The following THSD7A variants were observed in gnomAD, a reference collection of about 807,000 sequenced individuals.
THSD7A encodes thrombospondin type 1 domain containing 7A.
A neutral mutation model predicts 231.3 loss-of-function variants in THSD7A; 96 were observed. The ratio of observed to expected loss-of-function variants is 0.41; its 90% CI spans 0.35 to 0.49. The LOEUF (loss-of-function observed/expected upper bound fraction) is 0.49, where lower values mean the gene tolerates loss of function less well. Ranked by LOEUF, THSD7A falls within the 20% of genes least tolerant of loss-of-function variation. The probability of loss-of-function intolerance (pLI) is 0.05; values close to 1 mark genes in which losing one functional copy is unlikely to be tolerated. For missense variants in THSD7A, 2,290 were observed against 2,070.2 expected (o/e 1.11, Z -2.06); for synonymous variants, 940 against 743.3 (o/e 1.26, Z -4.30).
At chr7:11,435,215 C>T (rs889518958) in intron 13 of THSD7A, among the ~76,000 whole-genome samples, 4 of 151,938 alleles carry the variant, frequency 2.6e-5, no homozygotes, top group South Asian at 2.1e-4. Flanking sequence ...TTACCAAGGG[C>T]GTTTCTTACA....
At chr7:11,465,490 C>A (rs1050723330) in intron 9 of THSD7A, among the ~76,000 whole-genome samples, 7 of 151,902 alleles carry the variant, frequency 4.6e-5, no homozygotes, top group African/African-American at 1.7e-4. Flanking sequence ...ACAGTTATAG[C>A]ATTTTTTCAG....
chr7:11,740,675 C>A (rs573150901), intron 1 of THSD7A, among the ~76,000 whole-genome samples: 1 of 151,868 alleles, frequency 6.6e-6, no homozygotes, highest in African/African-American at 2.4e-5. Flanking sequence ...GAAATGCTCT[C>A]CCTGTTCAGT....
intron 1 of THSD7A, among the ~76,000 whole-genome samples, chr7:11,822,365 C>T (rs1784901499): frequency 1.3e-5 from 2 of 152,048 alleles, no homozygotes. Context: ...ACATTGCTGC[C>T]AAACACATAA....
intron 1 of THSD7A, among the ~76,000 whole-genome samples, chr7:11,796,770 T>G (rs1784137529): frequency 6.6e-6 from 1 of 152,120 alleles, no homozygotes; most frequent in South Asian, 2.1e-4. Context: ...AACTTTCTCA[T>G]TAATGTTAAT....
intron 1 of THSD7A, among the ~76,000 whole-genome samples, chr7:11,756,764 G>C (rs1226098967): frequency 2.6e-5 from 4 of 152,070 alleles, no homozygotes; most frequent in Non-Finnish European, 4.4e-5. Context: ...CAGAACTACA[G>C]AGTTGAAAAT....
chr7:11,712,958 T>G (rs1464627327), intron 1 of THSD7A, among the ~76,000 whole-genome samples: 1 of 151,108 alleles, frequency 6.6e-6, no homozygotes. Flanking sequence ...GGAATAAGCA[T>G]CAAATTTCTC....
chr7:11,545,425 A>G (rs1468827692), intron 4 of THSD7A, among the ~76,000 whole-genome samples: 1 of 152,230 alleles, frequency 6.6e-6, no homozygotes, highest in Non-Finnish European at 1.5e-5. Flanking sequence ...TTAAGAAAAC[A>G]GGTTAAGCAA....
At chr7:11,771,147 G>A (rs1783216683) in intron 1 of THSD7A, among the ~76,000 whole-genome samples, 1 of 150,662 alleles carries the variant, frequency 6.6e-6, no homozygotes, top group Non-Finnish European at 1.5e-5. Context: ...TATAAAATAT[G>A]TTTATGATTT....
At chr7:11,671,195 A>G (rs1303990235) in intron 1 of THSD7A, among the ~76,000 whole-genome samples, 3 of 152,186 alleles carry the variant, frequency 2.0e-5, no homozygotes, top group South Asian at 4.1e-4. Context: ...TGCTCCTAGC[A>G]CTAGTGAAAT....
intron 1 of THSD7A, among the ~76,000 whole-genome samples, chr7:11,732,648 C>T (rs187761317): frequency 3.1e-4 from 47 of 151,916 alleles, no homozygotes; most frequent in African/African-American, 1.1e-3. Context: ...TCCACCACCA[C>T]CACCACAATA....
Position 11,814,894 on chromosome 7 carries a change from G to C in THSD7A, c.190+16863C>G, listed in dbSNP as rs538634340. Among the ~76,000 whole-genome samples, 3 of 152,072 alleles carry C rather than the reference G, an allele frequency of 2.0e-5. No homozygotes were observed. Among genetic ancestry groups the C allele is most frequent in the Non-Finnish European group, 4.4e-5 (3 of 67,994 alleles). On this transcript the variant is annotated intron_variant, in intron 1 of 27. Transcript: ENST00000423059. This position sits in a 1 kb window ranked among gnomAD's most constrained non-coding sequence, Gnocchi z 5.1. ...CTTTGCTGCATTTCTGTGATTATCT[G>C]TGCCAGCTCATGAGCAGCAGATGCC... is the stretch of plus-strand genomic sequence containing the variant.
chr7:11,688,538 T>A (rs1780133914), intron 1 of THSD7A, among the ~76,000 whole-genome samples: 1 of 151,798 alleles, frequency 6.6e-6, no homozygotes. Flanking sequence ...AAGCGAGACT[T>A]CCCTTACAGA....
At chr7:11,445,262 G>A (rs1354708396) in intron 13 of THSD7A, among the ~76,000 whole-genome samples, 1 of 151,864 alleles carries the variant, frequency 6.6e-6, no homozygotes, top group East Asian at 1.9e-4. Flanking sequence ...TATGTTTCAG[G>A]CTGCCCCACT....
intron 1 of THSD7A, among the ~76,000 whole-genome samples, chr7:11,793,540 G>T (rs28522205): frequency 0.045 from 6,498 of 144,452 alleles, 196 homozygotes; most frequent in East Asian, 0.12. Flanking sequence ...TAGAAAATAG[G>T]TTAAAATGAA....
intron 2 of THSD7A, among the ~76,000 whole-genome samples, chr7:11,600,499 T>C (rs1215671620): frequency 2.0e-5 from 3 of 152,196 alleles, no homozygotes; most frequent in Non-Finnish European, 4.4e-5. Context: ...TAAATTATAA[T>C]GCCTACATAT....
chr7:11,803,093 T>C (rs1350503965), intron 1 of THSD7A, among the ~76,000 whole-genome samples: 1 of 152,232 alleles, frequency 6.6e-6, no homozygotes, highest in East Asian at 1.9e-4. Flanking sequence ...ACAGTAAATG[T>C]TTTCCTGAGA....
At chr7:11,656,051 G>A (rs544603924) in intron 1 of THSD7A, among the ~76,000 whole-genome samples, 2 of 151,920 alleles carry the variant, frequency 1.3e-5, no homozygotes, top group South Asian at 2.1e-4. Context: ...TTCTTGAGGT[G>A]TCACGTATTC....
chr7:11,725,603 G>A (rs961521682), intron 1 of THSD7A, among the ~76,000 whole-genome samples: 2 of 151,854 alleles, frequency 1.3e-5, no homozygotes, highest in Non-Finnish European at 1.5e-5. Flanking sequence ...ATCTTTATTT[G>A]GTTAATTAGT....
intron 6 of THSD7A, among the ~76,000 whole-genome samples, chr7:11,482,440 CTT>C (rs1394675758): frequency 6.6e-6 from 1 of 152,158 alleles, no homozygotes; most frequent in African/African-American, 2.4e-5. Flanking sequence ...TACAAACTCT[CTT>C]GTGTCTCTCA....
Sources: gnomAD v4.1 joint callset for allele counts (sites outside exome capture counted in the v4.1 genomes callset) on GRCh38, gnomAD v4.1.1 for gene constraint, Gnocchi (gnomAD v3.1) non-coding constraint, MANE v1.5 for transcripts, NCBI Gene and HGNC (gene_info 2026-07-23, HGNC 2026-07-21) for gene names.